Variants in CSMD1 observed in about 807,000 individuals in gnomAD.
CSMD1 encodes CUB and Sushi multiple domains 1, also known as CUB and sushi domain-containing protein 1.
CSMD1 carries 213 observed loss-of-function variants against 417.5 expected under a neutral mutation model. That is an observed-to-expected ratio of 0.51 (90% CI 0.46 to 0.57). The LOEUF is 0.57. Ranked by LOEUF, CSMD1 falls within the 20% of genes least tolerant of loss-of-function variation. The pLI is 0.00. For synonymous variants in CSMD1, 2,862 were observed against 1,736.8 expected (o/e 1.65, Z -16.11); for missense variants, 6,923 against 4,529.7 (o/e 1.53, Z -15.17).
chr8:4,882,067 A>T (rs1252617048), intron 1 of CSMD1, among the ~76,000 whole-genome samples: 1 of 152,076 alleles, frequency 6.6e-6, no homozygotes, highest in East Asian at 1.9e-4. Context: ...TTTCTTATTT[A>T]GAAAGTACGA....
At chr8:3,948,717 A>G (rs1811408554) in intron 5 of CSMD1, among the ~76,000 whole-genome samples, 1 of 152,208 alleles carries the variant, frequency 6.6e-6, no homozygotes, top group South Asian at 2.1e-4. Context: ...AATAAAACCA[A>G]CAATCAATAA....
At chr8:4,138,782 A>G (rs1803595688) in intron 3 of CSMD1, among the ~76,000 whole-genome samples, 2 of 152,222 alleles carry the variant, frequency 1.3e-5, no homozygotes, top group African/African-American at 4.8e-5. Context: ...AGAATACACT[A>G]TGAACAGTGG....
At chr8:4,226,129 C>T (rs1390999454) in intron 3 of CSMD1, among the ~76,000 whole-genome samples, 2 of 151,454 alleles carry the variant, frequency 1.3e-5, no homozygotes, top group South Asian at 2.1e-4. Flanking sequence ...TACACACTTG[C>T]TAGCATGAGA....
intron 23 of CSMD1, among the ~76,000 whole-genome samples, chr8:3,322,803 G>A (rs574290133): frequency 1.3e-5 from 2 of 152,328 alleles, no homozygotes; most frequent in Admixed American, 1.3e-4. Flanking sequence ...CATTTCTCCT[G>A]TCCAGTCTGC....
intron 12 of CSMD1, among the ~76,000 whole-genome samples, chr8:3,417,891 A>G (rs1346521977): frequency 2.0e-5 from 3 of 152,204 alleles, no homozygotes; most frequent in Non-Finnish European, 4.4e-5. Context: ...TGCTCCCGGC[A>G]TTACTGAAAA....
At chr8:4,971,266 C>T (rs991163001) in intron 1 of CSMD1, among the ~76,000 whole-genome samples, 45 of 151,906 alleles carry the variant, frequency 3.0e-4, no homozygotes, top group African/African-American at 1.1e-3. Flanking sequence ...TTATATAAGC[C>T]TCTTATAAAT....
intron 34 of CSMD1, among the ~76,000 whole-genome samples, chr8:3,189,550 A>G (rs111727946): frequency 6.6e-6 from 1 of 152,240 alleles, no homozygotes; most frequent in African/African-American, 2.4e-5. Flanking sequence ...TAATTTTCAA[A>G]GATTCATCAG....
At chr8:3,174,359 G>A (rs1391084683) in intron 37 of CSMD1, among the ~76,000 whole-genome samples, 2 of 152,144 alleles carry the variant, frequency 1.3e-5, no homozygotes, top group Admixed American at 1.3e-4. Flanking sequence ...GCTGGGTGTG[G>A]TGGCATTTGC....
chr8:3,542,279 A>T (rs895509548), intron 10 of CSMD1, among the ~76,000 whole-genome samples: 1 of 152,196 alleles, frequency 6.6e-6, no homozygotes, highest in Non-Finnish European at 1.5e-5. Context: ...TCATCTGAAG[A>T]TGGTTCATTC....
intron 15 of CSMD1, among the ~76,000 whole-genome samples, chr8:3,401,549 A>G (rs1278705334): frequency 6.6e-6 from 1 of 152,198 alleles, no homozygotes; most frequent in Non-Finnish European, 1.5e-5. Context: ...ATAGTAAGTA[A>G]TAAGTTTGTA....
chr8:3,214,767 T>C, intron 29 of CSMD1, 76 bp from the exon 30 acceptor site: 1 of 1,229,410 alleles, frequency 8.1e-7, no homozygotes, highest in Non-Finnish European at 1.1e-6. Context: ...GTTGGGTTGG[T>C]TCTTTAATTG....
At chr8:4,791,915 G>A (rs1295669499) in intron 1 of CSMD1, among the ~76,000 whole-genome samples, 1 of 151,328 alleles carries the variant, frequency 6.6e-6, no homozygotes, top group Admixed American at 6.6e-5. Flanking sequence ...CGAAAAGGTA[G>A]ATTAATTTAG....
At chr8:4,269,329 G>A (rs899039472) in intron 3 of CSMD1, among the ~76,000 whole-genome samples, 14 of 152,142 alleles carry the variant, frequency 9.2e-5, no homozygotes, top group African/African-American at 3.4e-4. Context: ...CTCCCCCAAA[G>A]TGCTGGGATT....
chr8:4,109,676 T>C (rs919754068), intron 3 of CSMD1, among the ~76,000 whole-genome samples: 1 of 152,140 alleles, frequency 6.6e-6, no homozygotes, highest in Non-Finnish European at 1.5e-5. Flanking sequence ...TATCATTAAA[T>C]AATTTTCAAG....
chr8:3,722,846 C>G (rs13270179), intron 6 of CSMD1, among the ~76,000 whole-genome samples: 419 of 152,200 alleles, frequency 2.8e-3, no homozygotes, highest in African/African-American at 9.6e-3. Flanking sequence ...TGAGATTCCC[C>G]GATTTCAGGG....
intron 1 of CSMD1, among the ~76,000 whole-genome samples, chr8:4,772,961 G>A (rs553904254): frequency 1.3e-5 from 2 of 151,994 alleles, no homozygotes; most frequent in Non-Finnish European, 2.9e-5. Flanking sequence ...ATAACACATG[G>A]GACATTTAAA....
rs765289556 is a variant in CSMD1, at chr8:3,108,753, G to C, written c.6609-5C>G. ...GAGTTCTGATCGGGACCGTCCCTAGGAAAGACAGAAAGAGGTGGCTGGCTA... is the reference window on the plus strand; with the variant it reads ...GAGTTCTGATCGGGACCGTCCCTAGCAAAGACAGAAAGAGGTGGCTGGCTA... On this transcript the variant is annotated splice_region_variant and splice_polypyrimidine_tract_variant and intron_variant, in intron 43 of 69. Coordinates refer to ENST00000635120, the MANE Select transcript of CSMD1 (RefSeq NM_033225.6). 3.1e-6 allele frequency: 5 copies of C among 1,603,796 alleles called. No individual in the cohort carries two copies. The highest frequency in any genetic ancestry group is 4.3e-6 in the Non-Finnish European group (5 of 1,174,356).
chr8:3,340,170 C>G (rs7008166), intron 23 of CSMD1, among the ~76,000 whole-genome samples: 5,875 of 152,074 alleles, frequency 0.039, 370 homozygotes, highest in African/African-American at 0.13. Flanking sequence ...AGTTAGAAGG[C>G]CTGGATTTGG....
At chr8:4,050,435 T>A (rs1382561729) in intron 3 of CSMD1, among the ~76,000 whole-genome samples, 2 of 152,188 alleles carry the variant, frequency 1.3e-5, no homozygotes, top group African/African-American at 4.8e-5. Context: ...TTTGCATATA[T>A]ACATACTTAT....
Sources: gnomAD v4.1 joint callset for allele counts (sites outside exome capture counted in the v4.1 genomes callset) on GRCh38, gnomAD v4.1.1 for gene constraint, MANE v1.5 for transcripts, NCBI Gene and HGNC (gene_info 2026-07-23, HGNC 2026-07-21) for gene names.